TNNI3K: variants seen among roughly 807,000 people sequenced by gnomAD.
TNNI3K encodes the protein TNNI3 interacting kinase, also known as serine/threonine-protein kinase TNNI3K.
Under a neutral mutation model 114.5 loss-of-function variants are expected in TNNI3K, and 140 were observed. That is an observed-to-expected ratio of 1.22 (90% CI 1.07 to 1.41). The LOEUF is 1.41. Ranked by LOEUF, TNNI3K falls within the 40% of genes most tolerant of loss-of-function variation. The pLI is 0.00. For missense variants in TNNI3K, 1,125 were observed against 1,007.6 expected, an observed-to-expected ratio of 1.12 and a Z score of -1.58; for synonymous variants, 347 against 347.5, an observed-to-expected ratio of 1.00 and a Z score of 0.02.
intron 5 of TNNI3K, among the ~76,000 whole-genome samples, chr1:74,276,133 T>G (rs1656667667): frequency 6.6e-6 from 1 of 152,098 alleles, no homozygotes. Context: ...GAAAAATCAA[T>G]TAGCTCCACA....
At chr1:74,429,265 A>G (rs796084313) in intron 17 of TNNI3K, among the ~76,000 whole-genome samples, 30 of 152,250 alleles carry the variant, frequency 2.0e-4, no homozygotes, top group African/African-American at 6.3e-4. Context: ...AGGTAGGTAG[A>G]TAGATAGAAT....
intron 22 of TNNI3K, among the ~76,000 whole-genome samples, chr1:74,490,457 A>T (rs1406632704): frequency 6.6e-6 from 1 of 152,192 alleles, no homozygotes; most frequent in Non-Finnish European, 1.5e-5. Context: ...GGATTCCAGA[A>T]AAAAGGAATC....
intron 6 of TNNI3K, 62 bp downstream of exon 6, chr1:74,331,610 T>C: frequency 2.2e-6 from 3 of 1,389,926 alleles, no homozygotes; most frequent in Non-Finnish European, 2.9e-6. Flanking sequence ...TTTTGTTGAA[T>C]TGTCCTAGCT....
At chr1:74,324,714 A>C (rs1376245108) in intron 5 of TNNI3K, among the ~76,000 whole-genome samples, 1 of 152,134 alleles carries the variant, frequency 6.6e-6, no homozygotes, top group Non-Finnish European at 1.5e-5. Context: ...AGAAAGAGAG[A>C]CCATTATGCT....
intron 23 of TNNI3K, among the ~76,000 whole-genome samples, chr1:74,518,282 C>A (rs1646377408): frequency 6.6e-6 from 1 of 152,198 alleles, no homozygotes; most frequent in Non-Finnish European, 1.5e-5. Context: ...AGGTCATTAA[C>A]AGAAATTGAA....
Position 74,451,657 on chromosome 1 carries a change from TTTTTC to T in TNNI3K, c.2012-11755_2012-11751del, listed in dbSNP as rs1553148015. ...CTTTTTCTTTCTTTCTTTCCTTTCT[TTTTTC>T]TTTTCTTTTCTTTTCTTTTCTTTTC... is the stretch of plus-strand genomic sequence containing the variant. On this transcript the variant is annotated intron_variant, in intron 20 of 24. Coordinates refer to ENST00000326637, the MANE Select transcript of TNNI3K (RefSeq NM_015978.3). Among the ~76,000 whole-genome samples the T allele has an allele frequency of 7.5e-4, 40 of 53,132 alleles. 1 individual carries two copies. Among genetic ancestry groups the T allele is most frequent in the African/African-American group, 1.8e-3 (35 of 19,062 alleles). 34.9% of individuals were successfully genotyped at this position (53,132 alleles called of 152,430 possible).
At chr1:74,529,306 C>T (rs1056978671) in intron 23 of TNNI3K, among the ~76,000 whole-genome samples, 7 of 152,104 alleles carry the variant, frequency 4.6e-5, no homozygotes, top group Admixed American at 6.6e-5. Context: ...AACAACATCC[C>T]TTCTGTGATA....
At chr1:74,470,570 G>A (rs1402092370) in intron 21 of TNNI3K, 3 of 400,544 alleles carry the variant, frequency 7.5e-6, no homozygotes, top group Non-Finnish European at 1.3e-5. Context: ...ATAAATGATA[G>A]GTTGTTCTTG....
At chr1:74,303,071 A>G (rs1192979430) in intron 5 of TNNI3K, among the ~76,000 whole-genome samples, 2 of 152,224 alleles carry the variant, frequency 1.3e-5, no homozygotes, top group African/African-American at 4.8e-5. Flanking sequence ...CTCATTTACT[A>G]TTCTGAAAAT....
chr1:74,336,262 A>G, intron 7 of TNNI3K, 113 bp downstream of exon 7: 2 of 1,306,824 alleles, frequency 1.5e-6, no homozygotes, highest in African/African-American at 3.1e-5. Flanking sequence ...GTAGTCATGT[A>G]CTTATTTGCT....
intron 23 of TNNI3K, among the ~76,000 whole-genome samples, chr1:74,524,388 G>A (rs772686855): frequency 2.6e-5 from 4 of 152,170 alleles, no homozygotes; most frequent in African/African-American, 2.4e-5. Context: ...GACACTGTGC[G>A]GACTCCAGGG....
At position 74,336,571 on chromosome 1, in the gene TNNI3K, A is replaced by G. The variant is rs560475777; in HGVS notation, c.682+422A>G. ...TGTGTCCATGTGATCTCATTGTTCA[A>G]TTCCCACCTATGAGTGAGAATATGT... On this transcript the variant is annotated intron_variant, in intron 7 of 24. Transcript: ENST00000326637. Among the ~76,000 whole-genome samples the G allele has an allele frequency of 1.6e-3, 241 of 147,016 alleles. 2 individuals carry two copies. Among genetic ancestry groups the G allele is most frequent in the African/African-American group, 5.4e-3 (213 of 39,732 alleles).
intron 5 of TNNI3K, among the ~76,000 whole-genome samples, chr1:74,318,619 C>G (rs1441594281): frequency 6.6e-6 from 1 of 152,192 alleles, no homozygotes; most frequent in African/African-American, 2.4e-5. Context: ...GTTTATACCT[C>G]TCTATAGCTT....
intron 5 of TNNI3K, among the ~76,000 whole-genome samples, chr1:74,328,357 T>C (rs536169558): frequency 1.3e-5 from 2 of 152,194 alleles, no homozygotes; most frequent in East Asian, 3.9e-4. Flanking sequence ...AATAACTTGA[T>C]AGGTATATAT....
chr1:74,282,749 A>G (rs1478621915), intron 5 of TNNI3K, among the ~76,000 whole-genome samples: 1 of 152,040 alleles, frequency 6.6e-6, no homozygotes, highest in Non-Finnish European at 1.5e-5. Flanking sequence ...CTTTCTCTGA[A>G]TCTGTTATGT....
At chr1:74,312,410 T>C (rs1659044326) in intron 5 of TNNI3K, among the ~76,000 whole-genome samples, 1 of 152,328 alleles carries the variant, frequency 6.6e-6, no homozygotes, top group East Asian at 1.9e-4. Context: ...TATCACAGAA[T>C]ATGTTTATGA....
chr1:74,531,334 A>C (rs987236589), intron 23 of TNNI3K, among the ~76,000 whole-genome samples: 1 of 152,248 alleles, frequency 6.6e-6, no homozygotes, highest in African/African-American at 2.4e-5. Flanking sequence ...ATAAATAAAC[A>C]TATTGAACTT....
Position 74,503,502 on chromosome 1 carries a change from A to C in TNNI3K, c.2351+11236A>C, listed in dbSNP as rs1669739205. 2.0e-5 allele frequency among the ~76,000 whole-genome samples: 3 copies of C among 152,184 alleles called. No individual in the cohort carries two copies. In the South Asian group the frequency reaches 6.2e-4, roughly 31 times the overall value. On this transcript the variant is annotated intron_variant, in intron 23 of 24. Transcript: ENST00000326637. Reference sequence around the variant, plus strand: ...AGAGTTGTCTTTCTTACTCAGTGACACTGTTGACTTAAGTTCTATGGATCT... The same window carrying C: ...AGAGTTGTCTTTCTTACTCAGTGACCCTGTTGACTTAAGTTCTATGGATCT...
At chr1:74,282,420 A>G (rs1657071689) in intron 5 of TNNI3K, among the ~76,000 whole-genome samples, 1 of 151,454 alleles carries the variant, frequency 6.6e-6, no homozygotes, top group African/African-American at 2.4e-5. Flanking sequence ...CATTCGCTGT[A>G]TGTTAACATG....
Sources: gnomAD v4.1 joint callset for allele counts (sites outside exome capture counted in the v4.1 genomes callset) on GRCh38, gnomAD v4.1.1 for gene constraint, MANE v1.5 for transcripts, NCBI Gene and HGNC (gene_info 2026-07-23, HGNC 2026-07-21) for gene names.